Variants in TENM4 observed in about 807,000 individuals in gnomAD.
TENM4 encodes teneurin transmembrane protein 4, also known as teneurin-4.
In TENM4, 82 loss-of-function variants were observed where a neutral mutation model predicts 243.3. The observed-to-expected ratio is 0.34, with a 90% CI of 0.28 to 0.40. The LOEUF is 0.40. Among genes scored for constraint, TENM4 ranks in the 10% least tolerant of loss-of-function variants. The probability of loss-of-function intolerance (pLI) is 1.00; values close to 1 mark genes in which losing one functional copy is unlikely to be tolerated. For missense variants in TENM4, 3,138 were observed against 3,673.3 expected (o/e 0.85, Z 3.77); for synonymous variants, 1,412 against 1,456.3 (o/e 0.97, Z 0.69).
At chr11:79,345,317 T>C (rs1857308365) in intron 1 of TENM4, among the ~76,000 whole-genome samples, 1 of 152,252 alleles carries the variant, frequency 6.6e-6, no homozygotes, top group African/African-American at 2.4e-5. Context: ...TGAATTTACG[T>C]GACATTATTA....
chr11:79,279,330 G>A (rs1328189747), intron 2 of TENM4, among the ~76,000 whole-genome samples: 1 of 152,174 alleles, frequency 6.6e-6, no homozygotes, highest in Admixed American at 6.5e-5. Context: ...TCTTCTGAGA[G>A]TAGCAACAGG....
intron 3 of TENM4, among the ~76,000 whole-genome samples, chr11:79,208,854 A>G (rs1411775229): frequency 6.6e-6 from 1 of 152,136 alleles, no homozygotes; most frequent in Non-Finnish European, 1.5e-5. Context: ...TGTGCTTCTC[A>G]TTGCTCCTTT....
intron 6 of TENM4, among the ~76,000 whole-genome samples, chr11:78,925,263 A>T (rs603553): frequency 0.24 from 36,881 of 151,854 alleles, 4,734 homozygotes; most frequent in Middle Eastern, 0.31. Flanking sequence ...TGGTGATGGG[A>T]AATGCACAAA....
At chr11:78,705,696 C>T (rs1859230573) in intron 27 of TENM4, among the ~76,000 whole-genome samples, 1 of 152,100 alleles carries the variant, frequency 6.6e-6, no homozygotes, top group Non-Finnish European at 1.5e-5. Flanking sequence ...AATGGATTGT[C>T]AAATGAATGA....
chr11:79,357,732 A>G (rs530410427), intron 1 of TENM4, among the ~76,000 whole-genome samples: 20 of 152,218 alleles, frequency 1.3e-4, no homozygotes, highest in Non-Finnish European at 2.4e-4. Context: ...ACTTCTTCCA[A>G]CCTTCCAAAA....
intron 29 of TENM4, among the ~76,000 whole-genome samples, chr11:78,685,100 C>A (rs190661718): frequency 4.7e-4 from 72 of 152,300 alleles, no homozygotes; most frequent in Non-Finnish European, 8.2e-4. Context: ...ACTTGCTATG[C>A]ATTATTCACT....
At position 78,657,618 on chromosome 11, in the gene TENM4, C is replaced by G. The variant is rs767132822; in HGVS notation, c.*440G>C. 2.6e-5 allele frequency: 9 copies of G among 348,356 alleles called. No homozygotes were observed. The Admixed American group carries it at 3.6e-4, about 14-fold the overall frequency. 21.6% of individuals were successfully genotyped at this position (348,356 alleles called of 1,614,324 possible). On this transcript the variant is annotated 3_prime_UTR_variant, in exon 34 of 34. Transcript: ENST00000278550. ...AGGGGTGTTGTACTGGCCCATCACTCCCTTTACTCCTGCCCGACCCCAGTC... is the reference window on the plus strand; with the variant it reads ...AGGGGTGTTGTACTGGCCCATCACTGCCTTTACTCCTGCCCGACCCCAGTC...
chr11:78,732,932 G>A (rs892160183), intron 20 of TENM4, among the ~76,000 whole-genome samples: 1 of 152,178 alleles, frequency 6.6e-6, no homozygotes, highest in African/African-American at 2.4e-5. Flanking sequence ...GAATAAAGTA[G>A]GGCAAGCCTT....
chr11:79,057,734 G>T (rs1012666433), intron 6 of TENM4, among the ~76,000 whole-genome samples: 2 of 152,182 alleles, frequency 1.3e-5, no homozygotes, highest in Admixed American at 6.5e-5. Context: ...TCAACAAATA[G>T]TTGTGGAATG....
At chr11:78,708,820 T>C (rs1859322933) in intron 26 of TENM4, among the ~76,000 whole-genome samples, 1 of 151,668 alleles carries the variant, frequency 6.6e-6, no homozygotes, top group South Asian at 2.1e-4. Flanking sequence ...CTTCTGGGGG[T>C]TTTTAAGCAC....
At chr11:78,793,778 G>A (rs577123540) in intron 15 of TENM4, among the ~76,000 whole-genome samples, 1 of 152,322 alleles carries the variant, frequency 6.6e-6, no homozygotes, top group East Asian at 1.9e-4. Flanking sequence ...AAACAGCTTG[G>A]AGACATTAAG....
rs10699998 is a variant in TENM4 at position 78,868,076 on chromosome 11, T to TAAA, written c.1085-4947_1085-4945dup. 4.2e-3 allele frequency among the ~76,000 whole-genome samples: 567 copies of TAAA among 134,852 alleles called. 9 individuals are homozygous for TAAA. The highest frequency in any genetic ancestry group is 0.01 in the African/African-American group (363 of 35,754). The allele number at this position is 134,852 out of a possible 152,430, so 88.5% of individuals were successfully genotyped here. A position where few individuals can be genotyped will look rare whatever the true frequency, so the allele number is the denominator to read the frequency against. On this transcript the variant is annotated intron_variant, in intron 9 of 33. Transcript: ENST00000278550. ...TGATTTGGAAGACAGAGCCACAGATTAAAAAAAAAAAAAAAAGCTAACAAA... is the reference window on the plus strand; with the variant it reads ...TGATTTGGAAGACAGAGCCACAGATTAAAAAAAAAAAAAAAAAAAGCTAACAAA...
chr11:79,438,168 A>G lies in TENM4; in HGVS notation c.-321+2341T>C, dbSNP rs1345320520. ...ATCTCCTGACTGCGGGCTGGGGGGAAGGGAGTTCAGGGCCAATGTGTCCCA... is the reference window on the plus strand; with the variant it reads ...ATCTCCTGACTGCGGGCTGGGGGGAGGGGAGTTCAGGGCCAATGTGTCCCA... On this transcript the variant is annotated intron_variant, in intron 1 of 33. Coordinates refer to ENST00000278550, the MANE Select transcript of TENM4 (RefSeq NM_001098816.3). This position sits in a 1 kb window ranked among gnomAD's most constrained non-coding sequence, Gnocchi z 4.1. Among the ~76,000 whole-genome samples, 4 of 152,138 alleles carry G rather than the reference A, an allele frequency of 2.6e-5. No homozygotes were observed. Among genetic ancestry groups the G allele is most frequent in the Non-Finnish European group, 5.9e-5 (4 of 68,014 alleles).
intron 6 of TENM4, among the ~76,000 whole-genome samples, chr11:78,978,150 C>G (rs1465922660): frequency 6.6e-6 from 1 of 151,260 alleles, no homozygotes; most frequent in Non-Finnish European, 1.5e-5. Flanking sequence ...GGGGGTTGAA[C>G]AATGAGAACA....
chr11:79,233,881 C>T (rs143358339), intron 2 of TENM4, among the ~76,000 whole-genome samples: 41 of 152,314 alleles, frequency 2.7e-4, no homozygotes, highest in Non-Finnish European at 5.4e-4. Context: ...AAGGAAGAGG[C>T]CCTTTCAATA....
At chr11:79,128,902 G>A (rs1861937197) in intron 4 of TENM4, among the ~76,000 whole-genome samples, 1 of 152,182 alleles carries the variant, frequency 6.6e-6, no homozygotes, top group Admixed American at 6.5e-5. Flanking sequence ...AATGGACAGA[G>A]CAGTATGCAG....
chr11:78,951,375 C>G (rs1414251794), intron 6 of TENM4, among the ~76,000 whole-genome samples: 2 of 152,214 alleles, frequency 1.3e-5, no homozygotes, highest in Non-Finnish European at 2.9e-5. Flanking sequence ...ATAAACACTT[C>G]CAGACCCCAC....
chr11:78,919,718 C>T (rs1052874403), intron 6 of TENM4, among the ~76,000 whole-genome samples: 10 of 151,942 alleles, frequency 6.6e-5, no homozygotes, highest in African/African-American at 2.4e-4. Context: ...AAAAGGAGCC[C>T]CTGGACTTTC....
intron 1 of TENM4, among the ~76,000 whole-genome samples, chr11:79,314,592 T>C (rs1024566393): frequency 2.0e-5 from 3 of 152,222 alleles, no homozygotes; most frequent in Non-Finnish European, 2.9e-5. Context: ...CAGTCTTTGG[T>C]TCCCGGCATA....
Sources: allele counts gnomAD v4.1 joint callset (sites outside exome capture counted in the v4.1 genomes callset), GRCh38; gene constraint gnomAD v4.1.1; non-coding constraint Gnocchi (gnomAD v3.1); transcripts MANE v1.5; gene names NCBI Gene and HGNC (gene_info 2026-07-23, HGNC 2026-07-21).